The following NCKAP5 variants were observed in gnomAD, a reference collection of about 807,000 sequenced individuals.
NCKAP5 encodes the protein NCK associated protein 5, also known as nck-associated protein 5.
Under a neutral mutation model 167.0 loss-of-function variants are expected in NCKAP5, and 92 were observed. The ratio of observed to expected loss-of-function variants is 0.55; its 90% CI spans 0.47 to 0.66. NCKAP5 has a LOEUF of 0.66. Ranked by LOEUF, NCKAP5 falls within the 30% of genes least tolerant of loss-of-function variation. The pLI is 0.00. For missense variants in NCKAP5, 2,378 were observed against 2,315.0 expected, an observed-to-expected ratio of 1.03 and a Z score of -0.56; for synonymous variants, 891 against 877.4, an observed-to-expected ratio of 1.02 and a Z score of -0.27.
intron 3 of NCKAP5, among the ~76,000 whole-genome samples, chr2:133,450,147 G>A (rs180754098): frequency 4.9e-5 from 7 of 143,722 alleles, no homozygotes; most frequent in Non-Finnish European, 7.4e-5. Flanking sequence ...GCGTGCGTGC[G>A]TGCACACACA....
chr2:132,794,461 C>T (rs1343956412), intron 12 of NCKAP5, among the ~76,000 whole-genome samples: 2 of 150,368 alleles, frequency 1.3e-5, no homozygotes, highest in African/African-American at 4.9e-5. Context: ...GGTGAAACCC[C>T]GTCTCTACTA....
chr2:133,178,332 C>G (rs1319693239), intron 5 of NCKAP5, among the ~76,000 whole-genome samples: 1 of 151,148 alleles, frequency 6.6e-6, no homozygotes, highest in Non-Finnish European at 1.5e-5. Flanking sequence ...AATTCTGTCT[C>G]TATAAAAAAC....
the NCKAP5 span, among the ~76,000 whole-genome samples, chr2:133,638,645 G>A: frequency 6.6e-6 from 1 of 152,116 alleles, no homozygotes; most frequent in African/African-American, 2.4e-5. Flanking sequence ...GGATCATGAG[G>A]TCAGGAGTTC....
At chr2:132,948,589 T>A (rs970863403) in intron 8 of NCKAP5, among the ~76,000 whole-genome samples, 3 of 152,128 alleles carry the variant, frequency 2.0e-5, no homozygotes, top group Non-Finnish European at 2.9e-5. Flanking sequence ...TGGCAAATGG[T>A]AACAAGCTCT....
intron 5 of NCKAP5, among the ~76,000 whole-genome samples, chr2:133,157,351 G>A (rs1249416678): frequency 6.6e-6 from 1 of 152,154 alleles, no homozygotes; most frequent in East Asian, 1.9e-4. Context: ...CTATGAAAAG[G>A]CATGTCTGTG....
chr2:133,380,575 C>T (rs1686450360), intron 3 of NCKAP5, among the ~76,000 whole-genome samples: 1 of 152,142 alleles, frequency 6.6e-6, no homozygotes. Flanking sequence ...AGGTAAGTAG[C>T]TTTAGGGTCT....
the NCKAP5 span, among the ~76,000 whole-genome samples, chr2:133,637,762 G>T: frequency 2.6e-5 from 4 of 151,904 alleles, no homozygotes; most frequent in African/African-American, 9.7e-5. Flanking sequence ...GAAAATAAAA[G>T]AAAATTTAAC....
intron 19 of NCKAP5, among the ~76,000 whole-genome samples, chr2:132,697,917 A>G (rs1181251131): frequency 1.3e-5 from 2 of 152,156 alleles, no homozygotes; most frequent in African/African-American, 4.8e-5. Flanking sequence ...GTGTAGGTTT[A>G]GTTTTCTGCC....
chr2:133,614,962 T>C, the NCKAP5 span, among the ~76,000 whole-genome samples: 5 of 152,084 alleles, frequency 3.3e-5, no homozygotes, highest in South Asian at 2.1e-4. Context: ...CAGCAGAAAC[T>C]CCACAAGCCA....
intron 3 of NCKAP5, among the ~76,000 whole-genome samples, chr2:133,307,576 T>C (rs1680873121): frequency 6.6e-6 from 1 of 152,184 alleles, no homozygotes; most frequent in Admixed American, 6.5e-5. Flanking sequence ...CATAGCTCCA[T>C]AGCTTCCAGC....
At chr2:133,335,669 T>C (rs935331670) in intron 3 of NCKAP5, among the ~76,000 whole-genome samples, 2 of 152,230 alleles carry the variant, frequency 1.3e-5, no homozygotes, top group African/African-American at 4.8e-5. Context: ...GCATATTCTA[T>C]GTTGCCATTA....
chr2:133,495,121 C>T (rs1681823099), intron 3 of NCKAP5, among the ~76,000 whole-genome samples: 1 of 152,166 alleles, frequency 6.6e-6, no homozygotes, highest in African/African-American at 2.4e-5. Context: ...GATCTAAAAG[C>T]CTCCAGTTTG....
At chr2:133,667,835 A>T in the NCKAP5 span, among the ~76,000 whole-genome samples, 20 of 152,052 alleles carry the variant, frequency 1.3e-4, no homozygotes, top group Non-Finnish European at 2.5e-4. Flanking sequence ...ACAATTCAGT[A>T]GGCTTTAATA....
At chr2:133,501,913 A>T (rs545917637) in intron 3 of NCKAP5, among the ~76,000 whole-genome samples, 1 of 152,356 alleles carries the variant, frequency 6.6e-6, no homozygotes, top group South Asian at 2.1e-4. Flanking sequence ...TCCTCCTGGG[A>T]ATTCCTAAAT....
At chr2:133,547,536 C>T (rs538257692) in intron 2 of NCKAP5, among the ~76,000 whole-genome samples, 107 of 152,050 alleles carry the variant, frequency 7.0e-4, no homozygotes, top group Admixed American at 6.0e-3. Flanking sequence ...GATCTGAGAA[C>T]CGGCAGACTG....
At chr2:133,194,159 A>G (rs2085341740) in intron 5 of NCKAP5, among the ~76,000 whole-genome samples, 1 of 152,118 alleles carries the variant, frequency 6.6e-6, no homozygotes, top group Non-Finnish European at 1.5e-5. Context: ...TAAAATAAAA[A>G]CTAATGAAAG....
At chr2:133,502,011 C>T (rs1459123486) in intron 3 of NCKAP5, among the ~76,000 whole-genome samples, 2 of 152,200 alleles carry the variant, frequency 1.3e-5, no homozygotes, top group Admixed American at 1.3e-4. Context: ...TTTATAGGAG[C>T]CTCCAGGCTC....
At chr2:133,615,870 A>G in the NCKAP5 span, among the ~76,000 whole-genome samples, 1 of 151,820 alleles carries the variant, frequency 6.6e-6, no homozygotes, top group Admixed American at 6.6e-5. Flanking sequence ...ACCACACCAC[A>G]CCTATTCCAA....
chr2:132,869,801 GT>G (rs1215398801), intron 9 of NCKAP5, among the ~76,000 whole-genome samples: 1 of 152,198 alleles, frequency 6.6e-6, no homozygotes, highest in East Asian at 1.9e-4. Context: ...GACAACAACA[GT>G]CACATATTAA....
Sources: gnomAD v4.1 joint callset for allele counts (sites outside exome capture counted in the v4.1 genomes callset) on GRCh38, gnomAD v4.1.1 for gene constraint, MANE v1.5 for transcripts, NCBI Gene and HGNC (gene_info 2026-07-23, HGNC 2026-07-21) for gene names.